Variants in OSBPL10 observed in about 807,000 individuals in gnomAD.
OSBPL10 encodes the protein oxysterol binding protein like 10.
OSBPL10 carries 49 observed loss-of-function variants against 81.7 expected under a neutral mutation model. The observed-to-expected ratio is 0.60, with a 90% CI of 0.48 to 0.76. The LOEUF (loss-of-function observed/expected upper bound fraction) is 0.76. Among genes scored for constraint, OSBPL10 ranks in the 30% least tolerant of loss-of-function variants. The probability of loss-of-function intolerance (pLI) is 0.00; values close to 1 mark genes in which losing one functional copy is unlikely to be tolerated. For missense variants in OSBPL10, 923 were observed against 987.8 expected, an observed-to-expected ratio of 0.93 and a Z score of 0.88; for synonymous variants, 419 against 383.6, an observed-to-expected ratio of 1.09 and a Z score of -1.08.
chr3:31,823,350 T>A (rs1163037493), intron 4 of OSBPL10, among the ~76,000 whole-genome samples: 3 of 152,228 alleles, frequency 2.0e-5, no homozygotes, highest in Admixed American at 2.0e-4. Flanking sequence ...CAAAGATGAA[T>A]AAGATGTGAC....
At chr3:31,816,811 C>G (rs1699845459) in intron 4 of OSBPL10, among the ~76,000 whole-genome samples, 1 of 152,090 alleles carries the variant, frequency 6.6e-6, no homozygotes, top group African/African-American at 2.4e-5. Context: ...GGCCGTCTGT[C>G]AAGAGTTCAG....
intron 3 of OSBPL10, among the ~76,000 whole-genome samples, chr3:31,867,947 A>G (rs1053990184): frequency 1.3e-5 from 2 of 152,172 alleles, no homozygotes; most frequent in Admixed American, 6.5e-5. Context: ...AACAGCCCAA[A>G]CATAGAATAG....
chr3:31,923,929 T>C (rs539079670), intron 1 of OSBPL10, among the ~76,000 whole-genome samples: 9 of 152,046 alleles, frequency 5.9e-5, no homozygotes, highest in African/African-American at 2.2e-4. Context: ...TTGGAATATA[T>C]TTGTCAAGGC....
intron 2 of OSBPL10, among the ~76,000 whole-genome samples, chr3:31,996,355 T>TCC (rs574866941): frequency 8.5e-5 from 13 of 152,082 alleles, no homozygotes; most frequent in African/African-American, 3.1e-4. Flanking sequence ...CTCTAAACTC[T>TCC]CCCCCCCGTG....
intron 6 of OSBPL10, 167 bp downstream of exon 6, chr3:31,733,090 A>G: frequency 1.2e-6 from 1 of 827,756 alleles, no homozygotes. Flanking sequence ...GAACATGAGA[A>G]GTGCCGGGCA....
intron 2 of OSBPL10, among the ~76,000 whole-genome samples, chr3:32,006,715 A>T (rs1699208411): frequency 6.6e-6 from 1 of 152,158 alleles, no homozygotes; most frequent in Admixed American, 6.5e-5. Context: ...TCAACCTCAT[A>T]TATCAAGTTC....
At chr3:31,680,219 G>A (rs1217442138) in intron 8 of OSBPL10, among the ~76,000 whole-genome samples, 2 of 152,202 alleles carry the variant, frequency 1.3e-5, no homozygotes, top group African/African-American at 4.8e-5. Context: ...TTTTCTCAGT[G>A]TCAGAGAGAG....
chr3:31,846,174 C>T lies in OSBPL10; in HGVS notation c.538-15943G>A, dbSNP rs531146049. ...ACAACAGGCATGTCCCACCACACTA[C>T]GCTAATTTTTTAATTTTTTGTAGAG... On this transcript the variant is annotated intron_variant, in intron 3 of 11. Coordinates refer to ENST00000396556, the MANE Select transcript of OSBPL10 (RefSeq NM_017784.5). 2.6e-5 allele frequency among the ~76,000 whole-genome samples: 4 copies of T among 152,204 alleles called. No individual in the cohort carries two copies. The East Asian group carries it at 5.8e-4, about 22-fold the overall frequency.
intron 1 of OSBPL10, among the ~76,000 whole-genome samples, chr3:31,887,625 T>C (rs1695772888): frequency 6.6e-6 from 1 of 152,180 alleles, no homozygotes; most frequent in South Asian, 2.1e-4. Flanking sequence ...AGTCTTGTCA[T>C]CTTAGAAGAG....
At chr3:31,680,081 G>A (rs540336602) in intron 8 of OSBPL10, among the ~76,000 whole-genome samples, 1 of 152,142 alleles carries the variant, frequency 6.6e-6, no homozygotes, top group Non-Finnish European at 1.5e-5. Flanking sequence ...GCTCCCTGTC[G>A]CTTCATCCAA....
chr3:32,014,665 T>C (rs1346116318), intron 2 of OSBPL10, among the ~76,000 whole-genome samples: 3 of 152,216 alleles, frequency 2.0e-5, no homozygotes, highest in African/African-American at 7.2e-5. Context: ...TGTCCCTGTT[T>C]GCAGATGACA....
chr3:31,855,187 AT>A (rs1700878943), intron 3 of OSBPL10, among the ~76,000 whole-genome samples: 2 of 139,978 alleles, frequency 1.4e-5, no homozygotes, highest in Non-Finnish European at 3.3e-5. Flanking sequence ...ACCCTGGCTA[AT>A]TTTTAAGTTT....
intron 5 of OSBPL10, among the ~76,000 whole-genome samples, chr3:31,740,867 A>G (rs1421545906): frequency 1.3e-5 from 2 of 150,526 alleles, no homozygotes; most frequent in South Asian, 4.2e-4. Flanking sequence ...TTATATATAT[A>G]TGTCATATTT....
chr3:31,972,652 G>A (rs969583553), intron 1 of OSBPL10, among the ~76,000 whole-genome samples: 5 of 152,072 alleles, frequency 3.3e-5, no homozygotes, highest in Admixed American at 2.0e-4. Flanking sequence ...TCCAAAAAAC[G>A]TCCAATCCCA....
intron 3 of OSBPL10, among the ~76,000 whole-genome samples, chr3:31,834,411 C>G (rs1257639953): frequency 1.3e-5 from 2 of 152,210 alleles, no homozygotes; most frequent in Non-Finnish European, 2.9e-5. Context: ...TCTGGCTACT[C>G]CTTATGTCCC....
At chr3:31,670,567 G>A (rs17027931) in intron 9 of OSBPL10, among the ~76,000 whole-genome samples, 3,931 of 152,204 alleles carry the variant, frequency 0.026, 180 homozygotes, top group African/African-American at 0.09. Flanking sequence ...ATTTTCTGGC[G>A]TGTGCTCTGC....
intron 5 of OSBPL10, among the ~76,000 whole-genome samples, chr3:31,739,402 C>G (rs1697275680): frequency 6.6e-6 from 1 of 152,184 alleles, no homozygotes; most frequent in Non-Finnish European, 1.5e-5. Context: ...CTCTCTGCTA[C>G]AGATTGAATG....
chr3:31,941,690 C>CG (rs1697539453), intron 1 of OSBPL10, among the ~76,000 whole-genome samples: 3 of 152,180 alleles, frequency 2.0e-5, no homozygotes, highest in Non-Finnish European at 4.4e-5. Flanking sequence ...CACCTGCCAT[C>CG]TTTCACATCT....
At chr3:31,678,316 A>T (rs1442170837) in intron 8 of OSBPL10, among the ~76,000 whole-genome samples, 12 of 152,282 alleles carry the variant, frequency 7.9e-5, no homozygotes, top group South Asian at 2.1e-4. Flanking sequence ...AGAGGGAAGA[A>T]GATGATGATG....
Sources: gnomAD v4.1 joint callset for allele counts (sites outside exome capture counted in the v4.1 genomes callset) on GRCh38, gnomAD v4.1.1 for gene constraint, MANE v1.5 for transcripts, NCBI Gene and HGNC (gene_info 2026-07-23, HGNC 2026-07-21) for gene names.